The following IQCJ variants were observed in gnomAD, a reference collection of about 807,000 sequenced individuals.
The protein encoded by IQCJ is IQ motif containing J.
A neutral mutation model predicts 11.0 loss-of-function variants in IQCJ; 9 were observed. That is an observed-to-expected ratio of 0.82 (90% CI 0.49 to 1.43). The LOEUF (loss-of-function observed/expected upper bound fraction) is 1.43. Ranked by LOEUF, IQCJ falls within the 40% of genes most tolerant of loss-of-function variation. The pLI, the probability that IQCJ is intolerant of heterozygous loss-of-function variation, is 0.00. For missense variants in IQCJ, 146 were observed against 133.2 expected, an observed-to-expected ratio of 1.10 and a Z score of -0.47; for synonymous variants, 55 against 51.3, an observed-to-expected ratio of 1.07 and a Z score of -0.31.
chr3:159,151,360 T>C (rs561750508), intron 1 of IQCJ, among the ~76,000 whole-genome samples: 132 of 152,340 alleles, frequency 8.7e-4, no homozygotes, highest in African/African-American at 3.1e-3. Context: ...TCCAGCCTAT[T>C]TGGCCTGTGT....
At chr3:159,264,841 C>T (rs1728410693), downstream of IQCJ, among the ~76,000 whole-genome samples, 1 of 151,656 alleles carries the variant, frequency 6.6e-6, no homozygotes, top group South Asian at 2.1e-4. Flanking sequence ...GCTTGAAACC[C>T]AGGAGGCAGA....
At chr3:159,184,641 C>G (rs1346708664) in intron 1 of IQCJ, among the ~76,000 whole-genome samples, 1 of 152,200 alleles carries the variant, frequency 6.6e-6, no homozygotes, top group Non-Finnish European at 1.5e-5. Context: ...TATTTTTGCA[C>G]ATTTCTTACA....
chr3:159,252,858 T>G, intron 3 of IQCJ, 51 bp downstream of exon 3: 1 of 1,555,070 alleles, frequency 6.4e-7, no homozygotes, highest in Non-Finnish European at 8.8e-7. Flanking sequence ...TTTTATGAAT[T>G]CCTGAATAAA....
At chr3:159,209,061 A>C (rs1411642355) in intron 1 of IQCJ, among the ~76,000 whole-genome samples, 1 of 152,302 alleles carries the variant, frequency 6.6e-6, no homozygotes, top group East Asian at 1.9e-4. Flanking sequence ...TGAGAAATTC[A>C]CATCCCTGTT....
chr3:159,233,748 C>G (rs1726408958), intron 1 of IQCJ, among the ~76,000 whole-genome samples: 2 of 152,146 alleles, frequency 1.3e-5, no homozygotes, highest in Admixed American at 6.5e-5. Flanking sequence ...GACATAATTG[C>G]TATCCTTGGT....
intron 1 of IQCJ, among the ~76,000 whole-genome samples, chr3:159,121,253 C>T (rs1719364010): frequency 1.3e-5 from 2 of 151,780 alleles, no homozygotes; most frequent in Non-Finnish European, 2.9e-5. Flanking sequence ...CTCACCCCAG[C>T]TTCCTGAATA....
intron 1 of IQCJ, among the ~76,000 whole-genome samples, chr3:159,102,240 G>T (rs1354342324): frequency 6.6e-6 from 1 of 152,128 alleles, no homozygotes; most frequent in Non-Finnish European, 1.5e-5. Context: ...TCTTCTCTTT[G>T]CAGTAGTCAC....
intron 1 of IQCJ, among the ~76,000 whole-genome samples, chr3:159,106,928 TA>T: frequency 6.6e-6 from 1 of 152,354 alleles, no homozygotes; most frequent in East Asian, 1.9e-4. Flanking sequence ...TTTATAATTT[TA>T]TAAATCAAGT....
intron 1 of IQCJ, among the ~76,000 whole-genome samples, chr3:159,112,153 T>A (rs1336467657): frequency 1.3e-5 from 2 of 152,198 alleles, no homozygotes; most frequent in Non-Finnish European, 2.9e-5. Context: ...GCCCTCATTC[T>A]GCCACATGCT....
chr3:159,230,687 A>G (rs1466716292), intron 1 of IQCJ, among the ~76,000 whole-genome samples: 1 of 152,260 alleles, frequency 6.6e-6, no homozygotes, highest in African/African-American at 2.4e-5. Context: ...CATTTAAAAG[A>G]AGAATGCTAC....
At chr3:159,159,063 G>A (rs936257381) in intron 1 of IQCJ, among the ~76,000 whole-genome samples, 1 of 152,168 alleles carries the variant, frequency 6.6e-6, no homozygotes, top group African/African-American at 2.4e-5. Context: ...GGGAGAGCAT[G>A]GCCCATTAAA....
At chr3:159,207,847 C>T (rs1900861) in intron 1 of IQCJ, among the ~76,000 whole-genome samples, 91,547 of 152,036 alleles carry the variant, frequency 0.6, 28,231 homozygotes, top group South Asian at 0.74. Context: ...TTAGAAATTA[C>T]GCTGATTTTT....
At chr3:159,163,548 A>G (rs1453001464) in intron 1 of IQCJ, among the ~76,000 whole-genome samples, 1 of 152,168 alleles carries the variant, frequency 6.6e-6, no homozygotes, top group Non-Finnish European at 1.5e-5. Context: ...TATTTTTAGT[A>G]GAGATGGGGT....
chr3:159,263,937 G>T (rs79509573), downstream of IQCJ, among the ~76,000 whole-genome samples: 3 of 152,158 alleles, frequency 2.0e-5, no homozygotes, highest in African/African-American at 7.2e-5. Flanking sequence ...GAGGGCACTC[G>T]TGAACTACAC....
intron 1 of IQCJ, among the ~76,000 whole-genome samples, chr3:159,212,016 T>TA (rs1286934349): frequency 1.3e-5 from 2 of 151,090 alleles, no homozygotes; most frequent in Non-Finnish European, 2.9e-5. Flanking sequence ...ATCCTGAATT[T>TA]AAAATAAAAT....
chr3:159,184,417 C>T (rs1328267494), intron 1 of IQCJ, among the ~76,000 whole-genome samples: 1 of 152,174 alleles, frequency 6.6e-6, no homozygotes, highest in African/African-American at 2.4e-5. Context: ...TAACTTATAG[C>T]TCTTCTCAAT....
chr3:159,127,321 T>A (rs1719733742), intron 1 of IQCJ, among the ~76,000 whole-genome samples: 1 of 152,176 alleles, frequency 6.6e-6, no homozygotes, highest in Non-Finnish European at 1.5e-5. Context: ...GGCTTTGGGA[T>A]TCTGGCTCCA....
At chr3:159,210,015 C>T (rs761744695) in intron 1 of IQCJ, among the ~76,000 whole-genome samples, 2 of 152,062 alleles carry the variant, frequency 1.3e-5, no homozygotes, top group Non-Finnish European at 2.9e-5. Context: ...CAAGGCACAC[C>T]AAAATAAACT....
At chr3:159,245,158 G>A (rs1727177892) in intron 1 of IQCJ, among the ~76,000 whole-genome samples, 2 of 152,064 alleles carry the variant, frequency 1.3e-5, no homozygotes. Flanking sequence ...ATGGAGAAGA[G>A]GTTGCCACGA....
Sources: gnomAD v4.1 joint callset for allele counts (sites outside exome capture counted in the v4.1 genomes callset) on GRCh38, gnomAD v4.1.1 for gene constraint, MANE v1.5 for transcripts, NCBI Gene and HGNC (gene_info 2026-07-23, HGNC 2026-07-21) for gene names.